DPF3: variants seen among roughly 807,000 people sequenced by gnomAD.
The protein encoded by DPF3 is double PHD fingers 3, also known as zinc finger protein DPF3.
A neutral mutation model predicts 56.8 loss-of-function variants in DPF3; 18 were observed. That is an observed-to-expected ratio of 0.32 (90% CI 0.22 to 0.47). DPF3 has a LOEUF of 0.47. Ranked by LOEUF, DPF3 falls within the 20% of genes least tolerant of loss-of-function variation. DPF3 has a pLI of 1.00. For synonymous variants in DPF3, 188 were observed against 180.2 expected (o/e 1.04, Z -0.35); for missense variants, 403 against 488.8 (o/e 0.82, Z 1.65).
At chr14:72,649,689 TTGCTACAAC>T (rs1432742294) in intron 8 of DPF3, among the ~76,000 whole-genome samples, 2 of 150,706 alleles carry the variant, frequency 1.3e-5, no homozygotes, top group African/African-American at 4.9e-5. Flanking sequence ...ATTAGTACTA[TTGCTACAAC>T]TTTATGAGGC....
At chr14:72,621,650 G>T (rs749416510) in intron 9 of DPF3, among the ~76,000 whole-genome samples, 1 of 152,206 alleles carries the variant, frequency 6.6e-6, no homozygotes, top group Non-Finnish European at 1.5e-5. Context: ...GATACCCAGT[G>T]GGGGAGAGGT....
rs75397590 is a variant in DPF3 at position 72,854,900 on chromosome 14, G to A, written c.32+39157C>T. On this transcript the variant is annotated intron_variant, in intron 1 of 10. Coordinates refer to ENST00000556509, the MANE Select transcript of DPF3 (RefSeq NM_001280542.3). ...CAAACCAGAATGCTTTCCTTTTAGG[G>A]CATAGTTGTCCTTCTGATTCTACTT... Among the ~76,000 whole-genome samples, 1,463 of 152,316 alleles carry A rather than the reference G, an allele frequency of 9.6e-3. 29 individuals carry two copies. The highest frequency in any genetic ancestry group is 0.033 in the African/African-American group (1,378 of 41,570).
chr14:72,789,766 C>A (rs1291033315), intron 1 of DPF3, among the ~76,000 whole-genome samples: 1 of 151,920 alleles, frequency 6.6e-6, no homozygotes, highest in Non-Finnish European at 1.5e-5. Flanking sequence ...CTCCTGGACT[C>A]AAGTGATCCA....
At chr14:72,886,169 C>T (rs1045595085) in intron 1 of DPF3, among the ~76,000 whole-genome samples, 6 of 152,024 alleles carry the variant, frequency 3.9e-5, no homozygotes, top group African/African-American at 9.7e-5. Context: ...GTCAGGAGTT[C>T]GAGACGAGCC....
At chr14:72,873,997 C>A (rs1295732386) in intron 1 of DPF3, among the ~76,000 whole-genome samples, 1 of 150,942 alleles carries the variant, frequency 6.6e-6, no homozygotes, top group African/African-American at 2.4e-5. Context: ...GGGTGCAGCA[C>A]ACCAACATGG....
At chr14:72,831,848 T>C (rs1884073908) in intron 1 of DPF3, among the ~76,000 whole-genome samples, 1 of 151,916 alleles carries the variant, frequency 6.6e-6, no homozygotes, top group East Asian at 1.9e-4. Context: ...AAATGGTGAA[T>C]CTAAGCAAAG....
rs1343781939 is a variant in DPF3, at chr14:72,809,219, A to G, written c.33-37326T>C. On this transcript the variant is annotated intron_variant, in intron 1 of 10. Transcript: ENST00000556509. ...TGAACTTCTCAGCCTGCAGAACCAT[A>G]AGCTAAATAAATCTCTTTTCTTTAT... Among the ~76,000 whole-genome samples, 5 of 152,338 alleles carry G rather than the reference A, an allele frequency of 3.3e-5. No homozygotes were observed. The East Asian group carries it at 7.7e-4, about 24-fold the overall frequency.
At chr14:72,826,589 G>A (rs1233097698) in intron 1 of DPF3, among the ~76,000 whole-genome samples, 1 of 152,200 alleles carries the variant, frequency 6.6e-6, no homozygotes, top group Non-Finnish European at 1.5e-5. Context: ...TGCACAAGAG[G>A]TAAACTTCAT....
chr14:72,860,360 CT>C (rs1285747862), intron 1 of DPF3, among the ~76,000 whole-genome samples: 1 of 152,014 alleles, frequency 6.6e-6, no homozygotes, highest in East Asian at 1.9e-4. Context: ...TTTTGTTTTA[CT>C]TTTTGTAGAG....
chr14:72,877,609 G>A (rs1322168326), intron 1 of DPF3, among the ~76,000 whole-genome samples: 1 of 152,128 alleles, frequency 6.6e-6, no homozygotes, highest in African/African-American at 2.4e-5. Context: ...GTCTCAAAAA[G>A]GTTTCAGAAT....
chr14:72,811,597 C>T lies in DPF3; in HGVS notation c.33-39704G>A, dbSNP rs184231224. 3.3e-3 allele frequency among the ~76,000 whole-genome samples: 504 copies of T among 152,272 alleles called. 3 individuals carry two copies. Among genetic ancestry groups the T allele is most frequent in the African/African-American group, 0.011 (476 of 41,546 alleles). On this transcript the variant is annotated intron_variant, in intron 1 of 10. Transcript: ENST00000556509. ...CACCCAGAACCTTACTATCCTTCAC[C>T]ACACCGATCACCAATGAGGCAAGTC...
intron 1 of DPF3, among the ~76,000 whole-genome samples, chr14:72,778,020 C>T (rs1363967383): frequency 1.3e-5 from 2 of 152,190 alleles, no homozygotes; most frequent in South Asian, 2.1e-4. Context: ...AAGGCAGAGA[C>T]ATGAGCAAGC....
intron 1 of DPF3, among the ~76,000 whole-genome samples, chr14:72,856,766 C>G (rs1011224029): frequency 6.6e-6 from 1 of 152,200 alleles, no homozygotes; most frequent in African/African-American, 2.4e-5. Flanking sequence ...CACAGGAGGA[C>G]AGGCAGATGG....
intron 3 of DPF3, among the ~76,000 whole-genome samples, chr14:72,749,694 C>T (rs1890481980): frequency 6.6e-6 from 1 of 152,130 alleles, no homozygotes; most frequent in African/African-American, 2.4e-5. Context: ...ATGCTGTTCT[C>T]ATTCTAGTGA....
At chr14:72,841,839 T>A (rs1427515339) in intron 1 of DPF3, among the ~76,000 whole-genome samples, 2 of 152,122 alleles carry the variant, frequency 1.3e-5, no homozygotes, top group Admixed American at 1.3e-4. Flanking sequence ...TCCCAGCACT[T>A]TGGGAGGCCA....
intron 1 of DPF3, among the ~76,000 whole-genome samples, chr14:72,824,041 G>A (rs940358263): frequency 2.6e-5 from 4 of 152,162 alleles, no homozygotes; most frequent in Non-Finnish European, 4.4e-5. Flanking sequence ...TAGCAATGAG[G>A]AAGTGTGAGG....
At chr14:72,824,986 C>A (rs1883732088) in intron 1 of DPF3, among the ~76,000 whole-genome samples, 1 of 152,040 alleles carries the variant, frequency 6.6e-6, no homozygotes, top group Admixed American at 6.6e-5. Context: ...CTCCCGGATT[C>A]AAGCGATTCT....
At chr14:72,824,223 G>A (rs1567245664) in intron 1 of DPF3, among the ~76,000 whole-genome samples, 3 of 152,136 alleles carry the variant, frequency 2.0e-5, no homozygotes. Flanking sequence ...CAGCCCCAGG[G>A]TCAGATGCCG....
intron 9 of DPF3, among the ~76,000 whole-genome samples, chr14:72,627,806 CTT>C (rs1884921867): frequency 6.6e-6 from 1 of 151,918 alleles, no homozygotes; most frequent in Non-Finnish European, 1.5e-5. Context: ...TCAATTTGTT[CTT>C]TGTGTTTTTG....
Sources: allele counts gnomAD v4.1 joint callset (sites outside exome capture counted in the v4.1 genomes callset), GRCh38; gene constraint gnomAD v4.1.1; transcripts MANE v1.5; gene names NCBI Gene and HGNC (gene_info 2026-07-23, HGNC 2026-07-21).